WNT7B: variants seen among roughly 807,000 people sequenced by gnomAD.
WNT7B encodes Wnt family member 7B.
Under a neutral mutation model 38.2 loss-of-function variants are expected in WNT7B, and 19 were observed. The ratio of observed to expected loss-of-function variants is 0.50; its 90% CI spans 0.35 to 0.73. The LOEUF (loss-of-function observed/expected upper bound fraction) is 0.73, where lower values mean the gene tolerates loss of function less well. Among genes scored for constraint, WNT7B ranks in the 30% least tolerant of loss-of-function variants. WNT7B has a pLI of 0.01. For missense variants in WNT7B, 423 were observed against 507.9 expected, an observed-to-expected ratio of 0.83 and a Z score of 1.61; for synonymous variants, 243 against 209.3, an observed-to-expected ratio of 1.16 and a Z score of -1.39.
At position 45,926,482 on chromosome 22, in the gene WNT7B, T is replaced by G. The variant is rs571646114; in HGVS notation, c.571-3147A>C. On this transcript the variant is annotated intron_variant, in intron 3 of 3. Coordinates refer to ENST00000339464, the MANE Select transcript of WNT7B (RefSeq NM_058238.3). ...GGTGTAGCCTGTGCTCTGGAAACAG[T>G]GCTCAGTTACAGCCAGGCAGGGGAG... 1.3e-4 allele frequency: 127 copies of G among 985,364 alleles called. No individual in the cohort carries two copies. In the African/African-American group the frequency reaches 2.1e-3, roughly 16 times the overall value. The allele number at this position is 985,364 out of a possible 1,614,324, so 61.0% of individuals were successfully genotyped here.
intron 2 of WNT7B, among the ~76,000 whole-genome samples, chr22:45,945,893 G>A (rs904652344): frequency 3.9e-5 from 6 of 152,382 alleles, no homozygotes; most frequent in East Asian, 1.9e-4. Context: ...GTCCCGGGCC[G>A]CTCACGTGAG....
At chr22:45,955,271 G>A (rs1029447870) in intron 1 of WNT7B, among the ~76,000 whole-genome samples, 1 of 152,274 alleles carries the variant, frequency 6.6e-6, no homozygotes, top group Admixed American at 6.5e-5. Context: ...TCCACATGGA[G>A]GCGAGGGGGC....
At chr22:45,956,534 G>A (rs531346407) in intron 1 of WNT7B, among the ~76,000 whole-genome samples, 48 of 152,268 alleles carry the variant, frequency 3.2e-4, no homozygotes, top group African/African-American at 8.7e-4. Context: ...ATGGGTCCAC[G>A]CCCACATCAG....
At chr22:45,947,176 G>A (rs536590108) in intron 2 of WNT7B, among the ~76,000 whole-genome samples, 78 of 152,352 alleles carry the variant, frequency 5.1e-4, no homozygotes, top group African/African-American at 1.8e-3. Context: ...AGATACGCCC[G>A]AAGCTCTGAT....
chr22:45,926,562 C>G (rs909475490), intron 3 of WNT7B: 15 of 985,270 alleles, frequency 1.5e-5, no homozygotes, highest in African/African-American at 3.5e-5. Context: ...AGCCCAGGAG[C>G]CTGGCGTCCG....
intron 1 of WNT7B, among the ~76,000 whole-genome samples, chr22:45,958,919 C>T (rs1412102097): frequency 6.6e-6 from 1 of 152,162 alleles, no homozygotes. Flanking sequence ...GAGAAGGAAG[C>T]CCCCCGACGG....
chr22:45,949,891 GGGCCCCTT>G, intron 2 of WNT7B, 21 bp downstream of exon 2: 1 of 1,590,574 alleles, frequency 6.3e-7, no homozygotes. Flanking sequence ...CACAATGGCT[GGGCCCCTT>G]GAGCCCAGAG....
At chr22:45,927,063 C>G in intron 3 of WNT7B, 1 of 985,444 alleles carries the variant, frequency 1.0e-6, no homozygotes, top group Non-Finnish European at 1.2e-6. Flanking sequence ...CTCAGCTGTC[C>G]GGACAACAGC....
intron 2 of WNT7B, among the ~76,000 whole-genome samples, chr22:45,942,460 C>G (rs1422555333): frequency 1.3e-5 from 2 of 152,240 alleles, no homozygotes; most frequent in East Asian, 3.8e-4. Flanking sequence ...GGGGTGGAGG[C>G]AGAGACCAAG....
intron 3 of WNT7B, chr22:45,926,061 G>A (rs766644459): frequency 1.3e-4 from 129 of 985,404 alleles, no homozygotes; most frequent in Middle Eastern, 5.2e-4. Flanking sequence ...ATCGGCTCCC[G>A]CAGGGCCAGG....
chr22:45,931,326 G>A lies in WNT7B; in HGVS notation c.342C>T (p.Gly114=), dbSNP rs779366253. ...AAFTYAITAA[G]VAHAVTAACS... ...AGGCAGCGGTGACGGCGTGCGCCACGCCAGCCGCGGTGATGGCGTACGTGA... is the reference window on the plus strand; with the variant it reads ...AGGCAGCGGTGACGGCGTGCGCCACACCAGCCGCGGTGATGGCGTACGTGA... The change falls in exon 3 of 4, where the codon GGC becomes GGT. Residue 114 remains glycine (G), a synonymous_variant. Coordinates refer to ENST00000339464, the MANE Select transcript of WNT7B (RefSeq NM_058238.3). The A allele has an allele frequency of 3.5e-5, 56 of 1,596,132 alleles. No homozygotes were observed. The highest frequency in any genetic ancestry group is 3.4e-4 in the Middle Eastern group (2 of 5,946).
chr22:45,928,973 C>A (rs1931193263), intron 3 of WNT7B, among the ~76,000 whole-genome samples: 1 of 117,896 alleles, frequency 8.5e-6, no homozygotes, highest in Non-Finnish European at 1.8e-5. Flanking sequence ...AAGCAGGGAC[C>A]CGAGCTTAAG....
At chr22:45,930,431 C>T (rs1440488810) in intron 3 of WNT7B, among the ~76,000 whole-genome samples, 1 of 152,248 alleles carries the variant, frequency 6.6e-6, no homozygotes, top group East Asian at 1.9e-4. Context: ...GGCTGGCCAC[C>T]CTATCTCAGG....
chr22:45,976,703 C>A lies in WNT7B; in HGVS notation c.52G>T (p.Val18Phe). The change falls in exon 1 of 4, where the codon GTC (valine) becomes TTC (phenylalanine). Residue 18 changes from valine to phenylalanine, a missense_variant. Transcript: ENST00000339464. This position sits in a 1 kb window ranked among gnomAD's most constrained non-coding sequence, Gnocchi z 8.5. ...ACTCACCCGAGCTTCACGTACAGGACGCCAAAGCAGAGAAACACGTAGAAA... is the reference window on the plus strand; with the variant it reads ...ACTCACCCGAGCTTCACGTACAGGAAGCCAAAGCAGAGAAACACGTAGAAA... ...WIFYVFLCFG[V>F]LYVKLGALSS... The A allele has an allele frequency of 6.2e-7, 1 of 1,609,882 alleles. No homozygotes were observed. Among genetic ancestry groups the A allele is most frequent in the Non-Finnish European group, 8.5e-7 (1 of 1,177,688 alleles).
chr22:45,946,587 G>A (rs887313634), intron 2 of WNT7B, among the ~76,000 whole-genome samples: 1 of 152,208 alleles, frequency 6.6e-6, no homozygotes, highest in South Asian at 2.1e-4. Context: ...GACACATGAG[G>A]AATAGGCCTG....
intron 1 of WNT7B, chr22:45,972,817 TGGG>T (rs2146756853): frequency 6.6e-6 from 1 of 152,432 alleles, no homozygotes; most frequent in African/African-American, 2.4e-5. Flanking sequence ...GTGCTCCTCT[TGGG>T]GGGCTGTGCT....
intron 1 of WNT7B, among the ~76,000 whole-genome samples, chr22:45,954,107 C>T (rs543004802): frequency 1.3e-5 from 2 of 152,142 alleles, no homozygotes; most frequent in Non-Finnish European, 2.9e-5. Context: ...GGTCATGCCA[C>T]GGCATGGAGG....
Position 45,951,096 on chromosome 22 carries a change from G to A in WNT7B, c.72-950C>T, listed in dbSNP as rs1931922065. ...ATTTGTTTGTTTGTTTTGAGACAGA[G>A]TTTCGGAGTCTCACTCTGTCGCGCA... On this transcript the variant is annotated intron_variant, in intron 1 of 3. Coordinates refer to ENST00000339464, the MANE Select transcript of WNT7B (RefSeq NM_058238.3). The surrounding 1 kb of genome is among the most constrained non-coding windows in gnomAD (Gnocchi z 4.8). 6.6e-6 allele frequency among the ~76,000 whole-genome samples: 1 copy of A among 152,200 alleles called. No individual in the cohort carries two copies. Among genetic ancestry groups the A allele is most frequent in the African/African-American group, 2.4e-5 (1 of 41,440 alleles).
Position 45,953,738 on chromosome 22 carries a change from AAAG to A in WNT7B, c.72-3595_72-3593del, listed in dbSNP as rs1010940571. 9.7e-3 allele frequency among the ~76,000 whole-genome samples: 1,473 copies of A among 151,620 alleles called. 25 individuals carry two copies. Among genetic ancestry groups the A allele is most frequent in the African/African-American group, 0.034 (1,396 of 41,218 alleles). Reference sequence around the variant, plus strand: ...GGCTATGATTTAAAAAAAAAAAAAAAAAGAAGAAGAAGAAGAAAGAAAAGAACA... The same window carrying A: ...GGCTATGATTTAAAAAAAAAAAAAAAAAGAAGAAGAAGAAAGAAAAGAACA... On this transcript the variant is annotated intron_variant, in intron 1 of 3. Transcript: ENST00000339464.
Sources: allele counts gnomAD v4.1 joint callset (sites outside exome capture counted in the v4.1 genomes callset), GRCh38; gene constraint gnomAD v4.1.1; non-coding constraint Gnocchi (gnomAD v3.1); transcripts MANE v1.5; gene names NCBI Gene and HGNC (gene_info 2026-07-23, HGNC 2026-07-21).